RBFOX1: variants seen among roughly 807,000 people sequenced by gnomAD.
RBFOX1 encodes the protein RNA binding protein fox-1 homolog 1.
Under a neutral mutation model 57.7 loss-of-function variants are expected in RBFOX1, and 8 were observed. The ratio of observed to expected loss-of-function variants is 0.14; its 90% confidence interval spans 0.08 to 0.25. The LOEUF (loss-of-function observed/expected upper bound fraction) is 0.25, where lower values mean the gene tolerates loss of function less well. Ranked by LOEUF, RBFOX1 falls within the 10% of genes least tolerant of loss-of-function variation. The pLI is 1.00. For missense variants in RBFOX1, 611 were observed against 548.5 expected (o/e 1.11, Z -1.14); for synonymous variants, 326 against 222.4 (o/e 1.47, Z -4.15).
chr16:6,089,393 T>C (rs1393871425), intron 1 of RBFOX1, among the ~76,000 whole-genome samples: 1 of 152,090 alleles, frequency 6.6e-6, no homozygotes, highest in Admixed American at 6.5e-5. Context: ...GAGATTCAGA[T>C]GCACTAAAGA....
At chr16:6,166,618 G>T (rs1048381713) in intron 1 of RBFOX1, among the ~76,000 whole-genome samples, 1 of 152,126 alleles carries the variant, frequency 6.6e-6, no homozygotes, top group Non-Finnish European at 1.5e-5. Flanking sequence ...TTCAGGAAAA[G>T]GAGAGACTCT....
chr16:5,796,135 A>C (rs2054870181), intron 3 of RBFOX1, among the ~76,000 whole-genome samples: 1 of 152,166 alleles, frequency 6.6e-6, no homozygotes, highest in Non-Finnish European at 1.5e-5. Flanking sequence ...CTGTTTTGGA[A>C]GGTCATAAGC....
chr16:7,176,626 G>A (rs913883853), intron 4 of RBFOX1, among the ~76,000 whole-genome samples: 1 of 152,110 alleles, frequency 6.6e-6, no homozygotes, highest in Non-Finnish European at 1.5e-5. Flanking sequence ...GAAACTATAT[G>A]GGTGGCAAAG....
At chr16:5,749,772 C>A (rs182110430) in intron 3 of RBFOX1, among the ~76,000 whole-genome samples, 3 of 148,798 alleles carry the variant, frequency 2.0e-5, no homozygotes, top group East Asian at 1.9e-4. Context: ...TTTATCTAAT[C>A]TTTTTTCAAG....
intron 10 of RBFOX1, among the ~76,000 whole-genome samples, chr16:7,629,899 G>A (rs2060662295): frequency 6.6e-6 from 1 of 152,228 alleles, no homozygotes; most frequent in Admixed American, 6.5e-5. Context: ...CGGGAATACA[G>A]AAGCCGAAGA....
chr16:5,968,247 G>C (rs1567202075), intron 4 of RBFOX1, among the ~76,000 whole-genome samples: 1 of 151,908 alleles, frequency 6.6e-6, no homozygotes, highest in Non-Finnish European at 1.5e-5. Flanking sequence ...GTTAATTTTT[G>C]TATTTTTAGT....
At chr16:7,167,011 A>C (rs1458785241) in intron 4 of RBFOX1, among the ~76,000 whole-genome samples, 1 of 31,862 alleles carries the variant, frequency 3.1e-5, no homozygotes, top group Non-Finnish European at 6.0e-5. Flanking sequence ...TTTTTTTGAC[A>C]GTTTCTTTCT....
At chr16:5,843,090 G>A (rs1265899085) in intron 3 of RBFOX1, among the ~76,000 whole-genome samples, 2 of 152,186 alleles carry the variant, frequency 1.3e-5, no homozygotes, top group African/African-American at 4.8e-5. Flanking sequence ...GCCTCCCAAA[G>A]TGCTGGGATT....
chr16:6,866,588 C>G (rs2059963939), intron 3 of RBFOX1, among the ~76,000 whole-genome samples: 2 of 118,102 alleles, frequency 1.7e-5, no homozygotes, highest in Admixed American at 2.4e-4. Context: ...GTCCCCCAGG[C>G]TGGAGTGCAG....
intron 1 of RBFOX1, among the ~76,000 whole-genome samples, chr16:5,300,655 T>C (rs556195865): frequency 6.8e-4 from 103 of 152,326 alleles, no homozygotes; most frequent in African/African-American, 2.3e-3. Flanking sequence ...TGTGGTAAAA[T>C]GTCAACTTAT....
intron 2 of RBFOX1, among the ~76,000 whole-genome samples, chr16:6,477,409 G>T (rs1028963054): frequency 1.4e-4 from 22 of 152,314 alleles, no homozygotes; most frequent in Admixed American, 1.4e-3. Flanking sequence ...GAACACTTAT[G>T]TCCTTGTGCT....
intron 3 of RBFOX1, among the ~76,000 whole-genome samples, chr16:5,613,566 C>A (rs928547461): frequency 3.3e-5 from 5 of 152,176 alleles, no homozygotes; most frequent in African/African-American, 7.2e-5. Flanking sequence ...TTCTCATTAT[C>A]TGTGAGCTGA....
At chr16:7,147,212 C>T (rs1192861064) in intron 4 of RBFOX1, among the ~76,000 whole-genome samples, 1 of 150,248 alleles carries the variant, frequency 6.7e-6, no homozygotes, top group African/African-American at 2.5e-5. Flanking sequence ...ACCATGTTGG[C>T]CAGGCTGGTC....
intron 4 of RBFOX1, among the ~76,000 whole-genome samples, chr16:7,060,314 G>C (rs1467480258): frequency 1.3e-5 from 2 of 152,162 alleles, no homozygotes; most frequent in Non-Finnish European, 2.9e-5. Flanking sequence ...GCTGGTGACT[G>C]AAATGTTAGT....
intron 4 of RBFOX1, among the ~76,000 whole-genome samples, chr16:7,092,397 A>G (rs1164456842): frequency 6.6e-6 from 1 of 152,228 alleles, no homozygotes; most frequent in Non-Finnish European, 1.5e-5. Flanking sequence ...AAAAAATGAG[A>G]TCACACTGCT....
intron 5 of RBFOX1, among the ~76,000 whole-genome samples, chr16:7,565,402 A>G (rs2091431179): frequency 6.6e-6 from 1 of 152,166 alleles, no homozygotes; most frequent in East Asian, 1.9e-4. Context: ...CAAATCAAAT[A>G]GGTATATTGC....
chr16:7,365,998 C>T (rs894409804), intron 4 of RBFOX1, among the ~76,000 whole-genome samples: 2 of 152,284 alleles, frequency 1.3e-5, no homozygotes, highest in African/African-American at 4.8e-5. Context: ...CCTGTGATAT[C>T]AGAACAGAAA....
At chr16:6,365,030 C>G (rs1459653244) in intron 2 of RBFOX1, among the ~76,000 whole-genome samples, 1 of 152,068 alleles carries the variant, frequency 6.6e-6, no homozygotes, top group Non-Finnish European at 1.5e-5. Context: ...TAGCATCTCA[C>G]AGGGAGAGGT....
intron 1 of RBFOX1, among the ~76,000 whole-genome samples, chr16:6,170,477 G>C (rs112867018): frequency 5.3e-5 from 8 of 152,286 alleles, no homozygotes; most frequent in African/African-American, 1.9e-4. Flanking sequence ...GCATTGTTAT[G>C]CGTAATAAGT....
Sources: allele counts gnomAD v4.1 joint callset (sites outside exome capture counted in the v4.1 genomes callset), GRCh38; gene constraint gnomAD v4.1.1; transcripts MANE v1.5; gene names NCBI Gene and HGNC (gene_info 2026-07-23, HGNC 2026-07-21).